SHISAL2B: variants seen among roughly 807,000 people sequenced by gnomAD.
SHISAL2B encodes the protein shisa like 2B.
A neutral mutation model predicts 16.5 loss-of-function variants in SHISAL2B; 12 were observed. That is an observed-to-expected ratio of 0.73 (90% confidence interval 0.47 to 1.18). The LOEUF (loss-of-function observed/expected upper bound fraction) is 1.18. Among genes scored for constraint, SHISAL2B ranks in the 50% most tolerant of loss-of-function variants. SHISAL2B has a pLI of 0.00. For missense variants in SHISAL2B, 183 were observed against 193.6 expected, an observed-to-expected ratio of 0.95 and a Z score of 0.33; for synonymous variants, 72 against 75.0, an observed-to-expected ratio of 0.96 and a Z score of 0.21.
chr5:64,698,130 T>C (rs1415291295), intron 2 of SHISAL2B, among the ~76,000 whole-genome samples: 1 of 152,234 alleles, frequency 6.6e-6, no homozygotes, highest in Non-Finnish European at 1.5e-5. Context: ...TCTCAATTGC[T>C]TAGGTAAAGT....
intron 2 of SHISAL2B, among the ~76,000 whole-genome samples, chr5:64,699,915 T>G (rs1410115198): frequency 6.6e-6 from 1 of 152,222 alleles, no homozygotes; most frequent in East Asian, 1.9e-4. Context: ...TGGTAGTGAT[T>G]GTAGACTCTA....
chr5:64,696,224 A>G (rs528000415), intron 2 of SHISAL2B, among the ~76,000 whole-genome samples: 2 of 152,336 alleles, frequency 1.3e-5, no homozygotes, highest in South Asian at 4.1e-4. Context: ...TAATACTTTT[A>G]TAATTTCTTA....
At chr5:64,698,134 G>A (rs1741764283) in intron 2 of SHISAL2B, among the ~76,000 whole-genome samples, 1 of 152,172 alleles carries the variant, frequency 6.6e-6, no homozygotes, top group African/African-American at 2.4e-5. Context: ...AATTGCTTAG[G>A]TAAAGTTGCA....
intron 2 of SHISAL2B, among the ~76,000 whole-genome samples, chr5:64,704,170 T>C (rs1011761059): frequency 3.9e-5 from 6 of 152,126 alleles, no homozygotes; most frequent in Non-Finnish European, 7.3e-5. Context: ...CAGATGATAG[T>C]AGAAAGGCTT....
In SHISAL2B at chr5:64,716,056, T is replaced by C. The variant is rs572416603; in HGVS notation, c.350-1833T>C. On this transcript the variant is annotated intron_variant, in intron 2 of 2. Transcript: ENST00000389074. ...TGCTACACCGTTGACCAAGAAAAAT[T>C]ACTTTTTACCCTCACCTAATTGAGA... Among the ~76,000 whole-genome samples the C allele has an allele frequency of 2.6e-5, 4 of 152,342 alleles. No homozygotes were observed. The South Asian group carries it at 6.2e-4, about 24-fold the overall frequency.
intron 2 of SHISAL2B, among the ~76,000 whole-genome samples, chr5:64,702,294 G>A (rs886295218): frequency 6.6e-5 from 10 of 151,834 alleles, no homozygotes; most frequent in Admixed American, 4.6e-4. Flanking sequence ...TCCGCCTCCC[G>A]GGTTCAAGCG....
At chr5:64,715,298 A>G (rs1437177902) in intron 2 of SHISAL2B, among the ~76,000 whole-genome samples, 1 of 152,168 alleles carries the variant, frequency 6.6e-6, no homozygotes, top group Non-Finnish European at 1.5e-5. Context: ...ACCAAAAAAA[A>G]AAAATTAAAA....
chr5:64,690,904 C>A, intron 1 of SHISAL2B, 90 bp downstream of exon 1: 1 of 1,131,838 alleles, frequency 8.8e-7, no homozygotes, highest in Non-Finnish European at 1.2e-6. Flanking sequence ...GGGAGGTTCC[C>A]CCGCGTCCCC....
rs936079808 is a variant in SHISAL2B at position 64,702,830 on chromosome 5, G to A, written c.349+7166G>A. Among the ~76,000 whole-genome samples the A allele has an allele frequency of 1.3e-4, 19 of 151,938 alleles. No homozygotes were observed. In the South Asian group the frequency reaches 1.9e-3, roughly 15 times the overall value. On this transcript the variant is annotated intron_variant, in intron 2 of 2. Transcript: ENST00000389074. ...TTGTCAAATATTTATTGGCTAATCCGTTTTTCTCTTGACAATTTAAAATGT... is the reference window on the plus strand; with the variant it reads ...TTGTCAAATATTTATTGGCTAATCCATTTTTCTCTTGACAATTTAAAATGT...
intron 2 of SHISAL2B, among the ~76,000 whole-genome samples, chr5:64,708,469 G>C (rs1344395154): frequency 6.6e-6 from 1 of 152,096 alleles, no homozygotes; most frequent in East Asian, 1.9e-4. Flanking sequence ...TTTATTCTTT[G>C]AGAGAAAAGA....
At chr5:64,699,237 C>G (rs910051600) in intron 2 of SHISAL2B, among the ~76,000 whole-genome samples, 1 of 152,196 alleles carries the variant, frequency 6.6e-6, no homozygotes, top group Non-Finnish European at 1.5e-5. Flanking sequence ...TTTACGTGAT[C>G]AGTGACTTCC....
intron 2 of SHISAL2B, among the ~76,000 whole-genome samples, chr5:64,706,685 A>C (rs1332741189): frequency 6.6e-6 from 1 of 152,194 alleles, no homozygotes; most frequent in African/African-American, 2.4e-5. Flanking sequence ...AAGAGAAAAT[A>C]GGGGGAGGAA....
At chr5:64,715,855 T>C (rs982446339) in intron 2 of SHISAL2B, among the ~76,000 whole-genome samples, 2 of 152,212 alleles carry the variant, frequency 1.3e-5, no homozygotes, top group African/African-American at 4.8e-5. Flanking sequence ...AGCAATTCTA[T>C]CATTGGAAAT....
chr5:64,711,468 A>G (rs1741956998), intron 2 of SHISAL2B, among the ~76,000 whole-genome samples: 2 of 139,102 alleles, frequency 1.4e-5, no homozygotes, highest in East Asian at 2.1e-4. Flanking sequence ...TTTTGCATCA[A>G]TGTTCATCAA....
Position 64,690,510 on chromosome 5 carries a change from A to C in SHISAL2B, c.-114A>C. On this transcript the variant is annotated 5_prime_UTR_variant, in exon 1 of 3. Transcript: ENST00000389074. The stretch of plus-strand genomic sequence containing the variant: ...CTGAGCGCCCAGGCAGCCAGAGCCC[A>C]GATCGGAAGAGCCGAGTCCGGGCAG... The C allele has an allele frequency of 1.2e-6, 1 of 802,946 alleles. No homozygotes were observed. The highest frequency in any genetic ancestry group is 1.8e-6 in the Non-Finnish European group (1 of 569,200). The allele number at this position is 802,946 out of a possible 1,614,324, so 49.7% of individuals were successfully genotyped here.
chr5:64,694,010 C>T (rs941965873), intron 1 of SHISAL2B: 2 of 447,346 alleles, frequency 4.5e-6, no homozygotes, highest in African/African-American at 4.0e-5. Context: ...ACTTTCAGTT[C>T]TGTTCTCCTT....
intron 2 of SHISAL2B, among the ~76,000 whole-genome samples, chr5:64,703,652 ATGT>A (rs1741840423): frequency 1.3e-5 from 2 of 152,202 alleles, no homozygotes; most frequent in Admixed American, 1.3e-4. Flanking sequence ...CCTTTGTAAG[ATGT>A]TGTTGATCAT....
At chr5:64,709,329 T>C (rs1262219635) in intron 2 of SHISAL2B, among the ~76,000 whole-genome samples, 2 of 151,808 alleles carry the variant, frequency 1.3e-5, no homozygotes, top group African/African-American at 4.8e-5. Flanking sequence ...AGAATGATGG[T>C]TTCCAGTCTC....
Position 64,717,870 on chromosome 5 carries a change from T to G in SHISAL2B, c.350-19T>G, listed in dbSNP as rs1289539465. 5.4e-6 allele frequency: 8 copies of G among 1,493,390 alleles called. No individual in the cohort carries two copies. Among genetic ancestry groups the G allele is most frequent in the Non-Finnish European group, 6.2e-6 (7 of 1,135,718 alleles). 92.5% of individuals were successfully genotyped at this position (1,493,390 alleles called of 1,614,324 possible). A position where few individuals can be genotyped will look rare whatever the true frequency, so the allele number is the denominator to read the frequency against. ...GATGTCATAATTTCAAATAATTATT[T>G]TGTTTTGTGTATCTGCAGGCAAGTC... is the stretch of plus-strand genomic sequence containing the variant. On this transcript the variant is annotated intron_variant, in intron 2 of 2. Transcript: ENST00000389074.
Sources: allele counts gnomAD v4.1 joint callset (sites outside exome capture counted in the v4.1 genomes callset), GRCh38; gene constraint gnomAD v4.1.1; transcripts MANE v1.5; gene names NCBI Gene and HGNC (gene_info 2026-07-23, HGNC 2026-07-21).